The following NKAIN3 variants were observed in gnomAD, a reference collection of about 807,000 sequenced individuals.
NKAIN3 encodes sodium/potassium transporting ATPase interacting 3, also known as sodium/potassium-transporting ATPase subunit beta-1-interacting protein 3.
Under a neutral mutation model 30.2 loss-of-function variants are expected in NKAIN3, and 25 were observed. That is an observed-to-expected ratio of 0.83 (90% CI 0.60 to 1.16). The LOEUF is 1.16. NKAIN3 is among the 50% of genes most tolerant of loss of function. The pLI, the probability that NKAIN3 is intolerant of heterozygous loss-of-function variation, is 0.00. For synonymous variants in NKAIN3, 91 were observed against 89.6 expected, an observed-to-expected ratio of 1.02 and a Z score of -0.09; for missense variants, 225 against 254.1, an observed-to-expected ratio of 0.89 and a Z score of 0.78.
At chr8:62,287,470 T>C (rs1004798476) in intron 1 of NKAIN3, among the ~76,000 whole-genome samples, 1 of 152,022 alleles carries the variant, frequency 6.6e-6, no homozygotes, top group Admixed American at 6.6e-5. Flanking sequence ...GAAATAAATA[T>C]TAACACATAT....
intron 4 of NKAIN3, among the ~76,000 whole-genome samples, chr8:62,779,842 C>A (rs143319067): frequency 0.013 from 1,945 of 151,632 alleles, 15 homozygotes; most frequent in Non-Finnish European, 0.021. Context: ...ACAACTACAT[C>A]AAAAGAAAAT....
At chr8:62,746,874 C>A in intron 3 of NKAIN3, 58 bp from the exon 4 acceptor site, 2 of 1,265,372 alleles carry the variant, frequency 1.6e-6, no homozygotes, top group Non-Finnish European at 1.1e-6. Flanking sequence ...AGGTCAAAGT[C>A]AAAGACGTGA....
At chr8:62,940,485 G>A (rs1437404455) in intron 5 of NKAIN3, among the ~76,000 whole-genome samples, 1 of 152,010 alleles carries the variant, frequency 6.6e-6, no homozygotes, top group Non-Finnish European at 1.5e-5. Flanking sequence ...ATAAGCACAT[G>A]GAACATTCTC....
chr8:62,789,095 TG>T (rs1346758954), intron 4 of NKAIN3, among the ~76,000 whole-genome samples: 22 of 152,238 alleles, frequency 1.4e-4, no homozygotes, highest in African/African-American at 4.8e-4. Flanking sequence ...TTGATGGGGA[TG>T]GCATTGAATC....
At chr8:62,430,663 C>T (rs997329964) in intron 1 of NKAIN3, among the ~76,000 whole-genome samples, 1 of 151,618 alleles carries the variant, frequency 6.6e-6, no homozygotes, top group African/African-American at 2.4e-5. Context: ...AGACATTTTT[C>T]TGAAGTGAGG....
intron 4 of NKAIN3, among the ~76,000 whole-genome samples, chr8:62,905,917 C>G (rs1395385657): frequency 6.6e-6 from 1 of 152,202 alleles, no homozygotes; most frequent in Admixed American, 6.5e-5. Flanking sequence ...ATTCTATTAA[C>G]CTCTACATGT....
Position 62,263,808 on chromosome 8 carries a change from A to G in NKAIN3, c.54+14681A>G, listed in dbSNP as rs562239185. On this transcript the variant is annotated intron_variant, in intron 1 of 6. Transcript: ENST00000623646. ...TATTTTTGGACTTATTTTCCATTCA[A>G]GTATAGAGGAAATGGTGTTTTGGGC... Among the ~76,000 whole-genome samples the G allele has an allele frequency of 2.1e-4, 32 of 152,302 alleles. No individual in the cohort carries two copies. The South Asian group carries it at 6.6e-3, about 32-fold the overall frequency.
chr8:62,630,485 A>T (rs1457196262), intron 3 of NKAIN3, among the ~76,000 whole-genome samples: 82 of 152,238 alleles, frequency 5.4e-4, no homozygotes, highest in Non-Finnish European at 9.3e-4. Flanking sequence ...TTTGGTTCTT[A>T]AAGGCTGACA....
chr8:62,348,961 C>T (rs73684964), intron 1 of NKAIN3, among the ~76,000 whole-genome samples: 5,962 of 152,188 alleles, frequency 0.039, 423 homozygotes, highest in African/African-American at 0.14. Context: ...CAGATTTTCA[C>T]TTTAGGTTAG....
chr8:62,345,420 CATATAT>C (rs552914411), intron 1 of NKAIN3, among the ~76,000 whole-genome samples: 1 of 113,252 alleles, frequency 8.8e-6, no homozygotes, highest in Admixed American at 8.9e-5. Context: ...TATATATACA[CATATAT>C]ACACATATAT....
At chr8:62,607,803 A>T (rs1030916522) in intron 3 of NKAIN3, among the ~76,000 whole-genome samples, 9 of 152,148 alleles carry the variant, frequency 5.9e-5, no homozygotes, top group African/African-American at 1.9e-4. Context: ...TTTATAAAAT[A>T]CTGTGTCTCA....
rs573043327 is a variant in NKAIN3, at chr8:62,798,346, C to G, written c.471+51217C>G. 3.9e-5 allele frequency among the ~76,000 whole-genome samples: 6 copies of G among 152,044 alleles called. No individual in the cohort carries two copies. In the East Asian group the frequency reaches 1.2e-3, roughly 30 times the overall value. Reference sequence around the variant, plus strand: ...CAGCACTTTGGGAGGCTGAGGTGGGCGGATCATGAGGTCAGGAGATCGAGA... The same window carrying G: ...CAGCACTTTGGGAGGCTGAGGTGGGGGGATCATGAGGTCAGGAGATCGAGA... On this transcript the variant is annotated intron_variant, in intron 4 of 6. Coordinates refer to ENST00000623646, the MANE Select transcript of NKAIN3 (RefSeq NM_001304533.3).
chr8:62,536,292 C>G (rs569167781), intron 1 of NKAIN3, among the ~76,000 whole-genome samples: 1 of 152,236 alleles, frequency 6.6e-6, no homozygotes, highest in South Asian at 2.1e-4. Flanking sequence ...GATGACAGAT[C>G]TCTAGCTGAA....
rs192157393 is a variant in NKAIN3, at chr8:62,443,971, T to C, written c.55-135568T>C. Among the ~76,000 whole-genome samples the C allele has an allele frequency of 5.9e-5, 9 of 152,282 alleles. No individual in the cohort carries two copies. In the East Asian group the frequency reaches 1.7e-3, roughly 29 times the overall value. ...AGGCATTACTGTTAGCGTTACTTTATATATAAAAAACAGCCAGTGGAATTT... is the reference window on the plus strand; with the variant it reads ...AGGCATTACTGTTAGCGTTACTTTACATATAAAAAACAGCCAGTGGAATTT... On this transcript the variant is annotated intron_variant, in intron 1 of 6. Coordinates refer to ENST00000623646, the MANE Select transcript of NKAIN3 (RefSeq NM_001304533.3).
chr8:62,899,075 T>C (rs898774065), intron 4 of NKAIN3, among the ~76,000 whole-genome samples: 9 of 152,094 alleles, frequency 5.9e-5, no homozygotes, highest in Admixed American at 3.3e-4. Context: ...AAAAGAATAG[T>C]AATAACAAAT....
intron 4 of NKAIN3, chr8:62,855,797 G>A (rs1820043699): frequency 2.0e-6 from 2 of 1,006,092 alleles, no homozygotes; most frequent in Admixed American, 1.7e-5. Flanking sequence ...CATCAGCAAA[G>A]AGTAAAAAGA....
intron 1 of NKAIN3, among the ~76,000 whole-genome samples, chr8:62,282,102 T>C (rs555041905): frequency 3.3e-5 from 5 of 152,078 alleles, no homozygotes; most frequent in Non-Finnish European, 7.4e-5. Context: ...TCCGGGGGGC[T>C]TTGCAAACAG....
chr8:62,757,438 A>G (rs1321193691), intron 4 of NKAIN3, among the ~76,000 whole-genome samples: 1 of 152,170 alleles, frequency 6.6e-6, no homozygotes, highest in East Asian at 1.9e-4. Context: ...CTACTCTGTA[A>G]GAGCACTATG....
chr8:62,455,824 G>T (rs534724639), intron 1 of NKAIN3, among the ~76,000 whole-genome samples: 1 of 152,168 alleles, frequency 6.6e-6, no homozygotes, highest in Non-Finnish European at 1.5e-5. Context: ...ATTTCATTTT[G>T]TCTGTTCTTC....
Sources: gnomAD v4.1 joint callset for allele counts (sites outside exome capture counted in the v4.1 genomes callset) on GRCh38, gnomAD v4.1.1 for gene constraint, MANE v1.5 for transcripts, NCBI Gene and HGNC (gene_info 2026-07-23, HGNC 2026-07-21) for gene names.